PRPF8: variants seen among roughly 807,000 people sequenced by gnomAD.
The protein encoded by PRPF8 is pre-mRNA-processing-splicing factor 8.
Under a neutral mutation model 285.9 loss-of-function variants are expected in PRPF8, and 64 were observed. The observed-to-expected ratio is 0.22, with a 90% CI of 0.18 to 0.28. PRPF8 has a LOEUF of 0.28. Ranked by LOEUF, PRPF8 falls within the 10% of genes least tolerant of loss-of-function variation. PRPF8 has a pLI of 1.00. For synonymous variants in PRPF8, 1,325 were observed against 1,118.2 expected, an observed-to-expected ratio of 1.18 and a Z score of -3.69; for missense variants, 1,426 against 3,026.7, an observed-to-expected ratio of 0.47 and a Z score of 12.41.
At chr17:1,684,317 T>C (rs981430005) in intron 2 of PRPF8, among the ~76,000 whole-genome samples, 155 bp downstream of exon 2, 6 of 152,172 alleles carry the variant, frequency 3.9e-5, no homozygotes, top group African/African-American at 7.2e-5. Flanking sequence ...TTGCAAATAA[T>C]ACGCGCTTAA....
intron 24 of PRPF8, among the ~76,000 whole-genome samples, chr17:1,669,627 C>A (rs754738357): frequency 5.6e-4 from 86 of 152,220 alleles, no homozygotes; most frequent in Non-Finnish European, 1.2e-3. Flanking sequence ...TCCATCCCTA[C>A]TATTTCTGTA....
intron 39 of PRPF8, chr17:1,652,032 C>A (rs1201557441): frequency 1.7e-6 from 1 of 603,246 alleles, no homozygotes; most frequent in East Asian, 2.8e-5. Context: ...CTCACAAGCT[C>A]CCCAGCTGAT....
At chr17:1,670,281 G>T (rs887225226) in intron 24 of PRPF8, among the ~76,000 whole-genome samples, 1 of 152,022 alleles carries the variant, frequency 6.6e-6, no homozygotes, top group Non-Finnish European at 1.5e-5. Flanking sequence ...CTTTATCTTC[G>T]ATCCTAAACC....
chr17:1,684,275 C>T (rs901004510), intron 2 of PRPF8, among the ~76,000 whole-genome samples, 197 bp downstream of exon 2: 1 of 152,240 alleles, frequency 6.6e-6, no homozygotes, highest in African/African-American at 2.4e-5. Context: ...AATTTTGTCT[C>T]CGTCACTACT....
rs2151125894 is a variant in PRPF8, at chr17:1,673,451, T to G, written c.3563A>C (p.Asn1188Thr). Residue 1188 changes from asparagine (N) to threonine (T), a missense_variant, in exon 23 of 43, where the codon AAC becomes ACC. Around this residue, in one of 34 missense-constraint regions of PRPF8, gnomAD observed 148 missense variants for 196.2 expected, o/e 0.75. Transcript: ENST00000304992. The surrounding 1 kb of genome is among the most constrained non-coding windows in gnomAD (Gnocchi z 5.5). ...YSKDNPNLLFNMCGFECRILP... is the reference protein window; with the variant it reads ...YSKDNPNLLFTMCGFECRILP... ...GATGCGGCACTCGAAGCCACACATG[T>G]TGAACAGCAGGTTGGGGTTGTCCTT... 6.2e-7 allele frequency: 1 copy of G among 1,614,178 alleles called. No individual in the cohort carries two copies. The highest frequency in any genetic ancestry group is 8.5e-7 in the Non-Finnish European group (1 of 1,180,034).
chr17:1,674,970 T>G (rs1912536710), intron 20 of PRPF8, among the ~76,000 whole-genome samples, 182 bp downstream of exon 20: 1 of 151,956 alleles, frequency 6.6e-6, no homozygotes, highest in Non-Finnish European at 1.5e-5. Flanking sequence ...AGACGGGGTT[T>G]CACCATGTTG....
Position 1,660,776 on chromosome 17 carries a change from A to G in PRPF8, c.4560T>C (p.Asn1520=), listed in dbSNP as rs1335357748. ...EESMKWKKLT[N]AQRSGLNQIP... is the part of the protein sequence containing the mutation. ...TCTGGTTCAGTCCTGATCGCTGAGC[A>G]TTAGTTAGCTTCTTCCACTTCATAG... The change falls in exon 29 of 43, where the codon AAT becomes AAC. Residue 1520 remains asparagine, a synonymous_variant. Coordinates refer to ENST00000304992, the MANE Select transcript of PRPF8 (RefSeq NM_006445.4). The G allele has an allele frequency of 4.3e-6, 7 of 1,613,820 alleles. No homozygotes were observed. The highest frequency in any genetic ancestry group is 5.9e-6 in the Non-Finnish European group (7 of 1,180,040).
At chr17:1,681,316 A>T (rs768927029) in intron 6 of PRPF8, among the ~76,000 whole-genome samples, 162 bp downstream of exon 6, 21 of 152,128 alleles carry the variant, frequency 1.4e-4, no homozygotes, top group Non-Finnish European at 1.9e-4. Context: ...TCTGGGCTCA[A>T]GCAATCCTCC....
At chr17:1,677,337 A>G (rs568070039) in intron 14 of PRPF8, 165 bp from the exon 15 acceptor site, 1 of 960,726 alleles carries the variant, frequency 1.0e-6, no homozygotes, top group African/African-American at 1.6e-5. Flanking sequence ...TTAAACATTC[A>G]CAACTATGCT....
intron 24 of PRPF8, among the ~76,000 whole-genome samples, chr17:1,665,234 T>C (rs568085819): frequency 2.8e-4 from 39 of 141,704 alleles, no homozygotes; most frequent in Admixed American, 2.4e-3. Context: ...AAGTGAATAA[T>C]ACTATTAGAA....
chr17:1,683,387 T>C (rs1044578913), intron 3 of PRPF8, 146 bp downstream of exon 3: 22 of 882,888 alleles, frequency 2.5e-5, no homozygotes, highest in East Asian at 5.2e-5. Context: ...GTGGAAGATG[T>C]AGAAATTATC....
Position 1,680,850 on chromosome 17 carries a change from T to G in PRPF8, c.993-19A>C. 1 of 1,613,772 alleles carries G rather than the reference T, an allele frequency of 6.2e-7. No homozygotes were observed. The highest frequency in any genetic ancestry group is 8.5e-7 in the Non-Finnish European group (1 of 1,179,840). On this transcript the variant is annotated intron_variant, in intron 7 of 42. Coordinates refer to ENST00000304992, the MANE Select transcript of PRPF8 (RefSeq NM_006445.4). ...ATGGTACCTAAAATGAAAGGAAGAG[T>G]CAGCCAAAGTTTTCCCGCCCTGGCC...
chr17:1,651,731 G>T lies in PRPF8; in HGVS notation c.6427C>A (p.Arg2143Ser). ...PPDNPQVKEIRCIVMVPQWGT... is the reference protein window; with the variant it reads ...PPDNPQVKEISCIVMVPQWGT... ...CACTGCGGCACCATCACAATGCAGC[G>T]GATCTCCTTCACCTGGGGGTTATCT... The change falls in exon 40 of 43, where the codon CGC becomes AGC. Residue 2143 changes from arginine (R) to serine (S), a missense_variant. Arg to Ser is a moderately radical substitution (Grantham distance 110). Around this residue, in one of 34 missense-constraint regions of PRPF8, gnomAD observed 160 missense variants for 373.7 expected, o/e 0.43. Transcript: ENST00000304992. The surrounding 1 kb of genome is among the most constrained non-coding windows in gnomAD (Gnocchi z 5.1). 2 of 1,614,132 alleles carry T rather than the reference G, an allele frequency of 1.2e-6. No homozygotes were observed. The highest frequency in any genetic ancestry group is 1.7e-6 in the Non-Finnish European group (2 of 1,180,032).
At chr17:1,671,980 C>T (rs962280699) in intron 24 of PRPF8, among the ~76,000 whole-genome samples, 1 of 152,006 alleles carries the variant, frequency 6.6e-6, no homozygotes. Context: ...GATAGCGCCA[C>T]TGCCCTTCAG....
At chr17:1,665,761 G>A (rs577068314) in intron 24 of PRPF8, among the ~76,000 whole-genome samples, 10 of 147,200 alleles carry the variant, frequency 6.8e-5, no homozygotes, top group African/African-American at 2.0e-4. Flanking sequence ...CAGGAGAATC[G>A]CTTGAACTCA....
At chr17:1,668,262 T>A (rs1402785758) in intron 24 of PRPF8, among the ~76,000 whole-genome samples, 1 of 152,074 alleles carries the variant, frequency 6.6e-6, no homozygotes. Flanking sequence ...TGATATCCAG[T>A]TCCCTGATGC....
At chr17:1,668,443 G>C (rs1047359353) in intron 24 of PRPF8, among the ~76,000 whole-genome samples, 6 of 144,834 alleles carry the variant, frequency 4.1e-5, no homozygotes, top group East Asian at 2.0e-4. Flanking sequence ...TTCACTGCAA[G>C]CTCTGCCTCC....
At position 1,669,312 on chromosome 17, in the gene PRPF8, G is replaced by A. The variant is rs376818102; in HGVS notation, c.3774+3769C>T. Among the ~76,000 whole-genome samples the A allele has an allele frequency of 1.2e-4, 19 of 152,168 alleles. No individual in the cohort carries two copies. The East Asian group carries it at 3.1e-3, about 25-fold the overall frequency. ...AGTAGAGACGGGGTTTCACCATGTTGGCCAGGCTGGTCTCGAACTCCTGAC... is the reference window on the plus strand; with the variant it reads ...AGTAGAGACGGGGTTTCACCATGTTAGCCAGGCTGGTCTCGAACTCCTGAC... On this transcript the variant is annotated intron_variant, in intron 24 of 42. Coordinates refer to ENST00000304992, the MANE Select transcript of PRPF8 (RefSeq NM_006445.4).
intron 3 of PRPF8, chr17:1,683,059 G>T: frequency 5.4e-6 from 1 of 185,230 alleles, no homozygotes; most frequent in South Asian, 9.5e-5. Context: ...GCAGTGGTGT[G>T]ATCTCGGCTC....
Sources: allele counts gnomAD v4.1 joint callset (sites outside exome capture counted in the v4.1 genomes callset), GRCh38; gene constraint gnomAD v4.1.1; regional missense constraint gnomAD v4.1.1; non-coding constraint Gnocchi (gnomAD v3.1); transcripts MANE v1.5; gene names NCBI Gene and HGNC (gene_info 2026-07-23, HGNC 2026-07-21).